Variants in TMPRSS9 observed in about 807,000 individuals in gnomAD.
TMPRSS9 encodes transmembrane serine protease 9, also known as transmembrane protease serine 9.
TMPRSS9 carries 113 observed loss-of-function variants against 111.4 expected under a neutral mutation model. The observed-to-expected ratio is 1.01, with a 90% CI of 0.87 to 1.19. The LOEUF (loss-of-function observed/expected upper bound fraction) is 1.19. Ranked by LOEUF, TMPRSS9 falls within the 50% of genes most tolerant of loss-of-function variation. TMPRSS9 has a pLI of 0.00. For synonymous variants in TMPRSS9, 805 were observed against 659.1 expected (o/e 1.22, Z -3.39); for missense variants, 1,803 against 1,513.1 (o/e 1.19, Z -3.18).
rs200042868 is a variant in TMPRSS9 at position 2,391,723 on chromosome 19, CT to C, written c.142+1797del. Among the ~76,000 whole-genome samples the C allele has an allele frequency of 3.4e-3, 501 of 147,632 alleles. 7 individuals are homozygous for C. Among genetic ancestry groups the C allele is most frequent in the African/African-American group, 0.012 (460 of 39,886 alleles). On this transcript the variant is annotated intron_variant, in intron 1 of 17. Coordinates refer to ENST00000648592, the Ensembl canonical transcript of TMPRSS9. ...AAATATAATTCCCATCAGGACCCCC[CT>C]GAAAGGAAAGGAAGTCTTTTTTTTT...
At position 2,399,108 on chromosome 19, in the gene TMPRSS9, A is replaced by G. The variant is rs775100129; in HGVS notation, c.429A>G (p.Leu143=). 15 of 1,613,652 alleles carry G rather than the reference A, an allele frequency of 9.3e-6. No individual in the cohort carries two copies. In the East Asian group the frequency reaches 1.1e-4, roughly 12 times the overall value. The change falls in exon 4 of 18, where the codon CTA becomes CTG. Residue 143 remains leucine (L), a synonymous_variant. Transcript: ENST00000648592. ...TGAGCCTGGGCCTGGAGGAGGAGCT[A>G]TTGCAGCGAGGGATCCGGGCAAGGC...
At chr19:2,411,547 G>A (rs565786975) in intron 9 of TMPRSS9, among the ~76,000 whole-genome samples, 65 of 150,130 alleles carry the variant, frequency 4.3e-4, no homozygotes, top group Middle Eastern at 6.9e-3. Context: ...ATAGGCATGC[G>A]CCACCACACC....
At chr19:2,373,178 A>G (rs932297599) in intron 1 of TMPRSS9, among the ~76,000 whole-genome samples, 24 of 151,892 alleles carry the variant, frequency 1.6e-4, no homozygotes, top group African/African-American at 4.6e-4. Flanking sequence ...TGAGATGGGT[A>G]ATTCACCCAG....
intron 2 of TMPRSS9, among the ~76,000 whole-genome samples, chr19:2,398,406 C>T (rs569739117): frequency 6.6e-6 from 1 of 151,938 alleles, no homozygotes; most frequent in East Asian, 1.9e-4. Context: ...ATCACAAGGT[C>T]AGGAGTTCGA....
exon 14 of TMPRSS9, chr19:2,421,902 T>C: frequency 2.5e-6 from 4 of 1,612,590 alleles, no homozygotes; most frequent in Non-Finnish European, 3.4e-6. Context: ...TGGCGTGTTT[T>C]ATCTGGCAGG....
At chr19:2,403,050 A>T (rs1200825840) in intron 5 of TMPRSS9, 32 bp from the exon 7 acceptor site, 1 of 1,545,936 alleles carries the variant, frequency 6.5e-7, no homozygotes, top group African/African-American at 1.4e-5. Context: ...ATGTAGCATG[A>T]GGTCAGAAAG....
intron 9 of TMPRSS9, 25 bp from the exon 11 acceptor site, chr19:2,413,675 C>T (rs1450825572): frequency 6.9e-6 from 11 of 1,585,178 alleles, no homozygotes; most frequent in Admixed American, 1.7e-5. Flanking sequence ...CCGACCCATC[C>T]TGAGGGTGTG....
chr19:2,402,532 G>A (rs1000506720), intron 5 of TMPRSS9, among the ~76,000 whole-genome samples: 16 of 152,156 alleles, frequency 1.1e-4, no homozygotes, highest in Admixed American at 9.2e-4. Flanking sequence ...CTGAGGTCAG[G>A]AGTTCGAGAC....
At chr19:2,379,677 C>CTTTCTTTCTTTCTTTTTCTT (rs1240073481) in intron 1 of TMPRSS9, among the ~76,000 whole-genome samples, 2 of 131,754 alleles carry the variant, frequency 1.5e-5, no homozygotes, top group African/African-American at 5.9e-5. Flanking sequence ...TTCTTTCTTT[C>CTTTCTTTCTTTCTTTTTCTT]TCTTTTTCTT....
chr19:2,383,123 G>A (rs962591020), intron 1 of TMPRSS9, among the ~76,000 whole-genome samples: 1 of 152,196 alleles, frequency 6.6e-6, no homozygotes, highest in Non-Finnish European at 1.5e-5. Flanking sequence ...GGAGGCCGAG[G>A]CAGGTGGATC....
At chr19:2,410,328 C>T (rs368094979) in exon 9 of TMPRSS9, 44 of 1,613,962 alleles carry the variant, frequency 2.7e-5, no homozygotes, top group African/African-American at 4.0e-5. Flanking sequence ...CCAGCTTGTA[C>T]GGCCATTCAC....
At chr19:2,392,871 G>C (rs1443920007) in intron 1 of TMPRSS9, among the ~76,000 whole-genome samples, 1 of 151,986 alleles carries the variant, frequency 6.6e-6, no homozygotes, top group Non-Finnish European at 1.5e-5. Context: ...TCTAGCTCAA[G>C]GTTTGCAAAT....
At chr19:2,410,301 G>A (rs1403729348) in exon 9 of TMPRSS9, 2 of 1,614,044 alleles carry the variant, frequency 1.2e-6, no homozygotes, top group Non-Finnish European at 8.5e-7. Context: ...TGGAGCTGCT[G>A]GACCAGGCAC....
upstream of TMPRSS9, among the ~76,000 whole-genome samples, chr19:2,386,219 G>A (rs1187579257): frequency 6.6e-6 from 1 of 152,106 alleles, no homozygotes; most frequent in African/African-American, 2.4e-5. Context: ...TAAGGAGATG[G>A]GATTGGCCGG....
At chr19:2,424,924 G>A in intron 15 of TMPRSS9, 78 bp from the exon 17 acceptor site, 2 of 1,359,030 alleles carry the variant, frequency 1.5e-6, no homozygotes, top group Non-Finnish European at 1.9e-6. Context: ...GTGCCAGCCG[G>A]CCGCTGGGGG....
chr19:2,421,063 G>A (rs1003694924), intron 13 of TMPRSS9, among the ~76,000 whole-genome samples: 7 of 151,604 alleles, frequency 4.6e-5, no homozygotes, highest in Non-Finnish European at 7.4e-5. Flanking sequence ...AAAATTAGCC[G>A]GGCGTTGTGG....
At chr19:2,362,496 G>T (rs1260873752) in intron 1 of TMPRSS9, among the ~76,000 whole-genome samples, 1 of 151,990 alleles carries the variant, frequency 6.6e-6, no homozygotes, top group Non-Finnish European at 1.5e-5. Flanking sequence ...TGGTTATAGT[G>T]TACGGTTGTG....
At chr19:2,394,032 C>T (rs4807257) in intron 1 of TMPRSS9, among the ~76,000 whole-genome samples, 7,001 of 152,050 alleles carry the variant, frequency 0.046, 405 homozygotes, top group East Asian at 0.28. Context: ...GAAACCCCGT[C>T]TCTACTAAAA....
chr19:2,411,299 CAAAAAAAAAAAAAAA>C (rs771305642), intron 9 of TMPRSS9, among the ~76,000 whole-genome samples: 12 of 32,322 alleles, frequency 3.7e-4, no homozygotes, highest in African/African-American at 1.8e-3. Flanking sequence ...GACTCTGTCT[CAAAAAAAAAAAAAAA>C]AAAAAAAAAA....
Sources: gnomAD v4.1 joint callset for allele counts (sites outside exome capture counted in the v4.1 genomes callset) on GRCh38, gnomAD v4.1.1 for gene constraint, MANE v1.5 for transcripts, NCBI Gene and HGNC (gene_info 2026-07-23, HGNC 2026-07-21) for gene names.